PLEKHS1: variants seen among roughly 807,000 people sequenced by gnomAD.
PLEKHS1 encodes pleckstrin homology domain-containing family S member 1.
Under a neutral mutation model 51.0 loss-of-function variants are expected in PLEKHS1, and 55 were observed. The ratio of observed to expected loss-of-function variants is 1.08; its 90% CI spans 0.87 to 1.35. PLEKHS1 has a LOEUF of 1.35. PLEKHS1 is among the 40% of genes most tolerant of loss of function. PLEKHS1 has a pLI of 0.00. For missense variants in PLEKHS1, 398 were observed against 423.0 expected, an observed-to-expected ratio of 0.94 and a Z score of 0.52; for synonymous variants, 153 against 144.8, an observed-to-expected ratio of 1.06 and a Z score of -0.41.
At chr10:113,770,978 A>G (rs960490980) in intron 7 of PLEKHS1, among the ~76,000 whole-genome samples, 6 of 152,252 alleles carry the variant, frequency 3.9e-5, no homozygotes, top group Admixed American at 1.3e-4. Flanking sequence ...AAACATGGAC[A>G]GAACTTAAAC....
At chr10:113,781,666 C>A (rs1295049914) in exon 12 of PLEKHS1, 1 of 118,270 alleles carries the variant, frequency 8.5e-6, no homozygotes, top group Admixed American at 8.1e-5. Flanking sequence ...TTCCCAGACA[C>A]CTCCTTCCCA....
At chr10:113,757,751 A>G (rs1417454922) in intron 2 of PLEKHS1, among the ~76,000 whole-genome samples, 1 of 152,256 alleles carries the variant, frequency 6.6e-6, no homozygotes, top group Non-Finnish European at 1.5e-5. Flanking sequence ...TTTTATCCAC[A>G]GTGGAACTTC....
At chr10:113,767,578 C>A in intron 5 of PLEKHS1, 99 bp downstream of exon 5, 1 of 1,130,624 alleles carries the variant, frequency 8.8e-7, no homozygotes, top group Non-Finnish European at 1.2e-6. Context: ...TCTGAACCCA[C>A]GCTACAAACC....
rs187301715 is a variant in PLEKHS1 at position 113,765,163 on chromosome 10, T to C, written c.29-1248T>C. The C allele has an allele frequency of 5.6e-4, 245 of 439,792 alleles. 3 individuals carry two copies. The highest frequency in any genetic ancestry group is 4.4e-3 in the African/African-American group (222 of 50,406). The allele number at this position is 439,792 out of a possible 1,614,324, so 27.2% of individuals were successfully genotyped here. The stretch of plus-strand genomic sequence containing the variant: ...AAATTTTACCTTGTTGTTTCCTGAA[T>C]ATCTTTGTATTCCTATGAATCTTGA... On this transcript the variant is annotated intron_variant, in intron 2 of 11. Transcript: ENST00000361048.
intron 2 of PLEKHS1, among the ~76,000 whole-genome samples, chr10:113,762,394 G>A (rs1161883006): frequency 6.9e-5 from 3 of 43,690 alleles, no homozygotes; most frequent in Non-Finnish European, 1.3e-4. Context: ...TTTCAGTTTA[G>A]TTTCCTGAAA....
At chr10:113,765,263 T>C in intron 2 of PLEKHS1, 1 of 633,554 alleles carries the variant, frequency 1.6e-6, no homozygotes, top group Non-Finnish European at 2.9e-6. Flanking sequence ...TTAGGTGGGT[T>C]TGGAGCAGTG....
chr10:113,775,476 T>C (rs914311371), intron 10 of PLEKHS1, among the ~76,000 whole-genome samples: 3 of 152,224 alleles, frequency 2.0e-5, no homozygotes, highest in African/African-American at 7.2e-5. Flanking sequence ...TTCCATGCCT[T>C]CTTCTATGGA....
intron 11 of PLEKHS1, 61 bp downstream of exon 11, chr10:113,775,927 A>C: frequency 1.6e-6 from 2 of 1,276,962 alleles, no homozygotes; most frequent in Non-Finnish European, 2.2e-6. Flanking sequence ...GAAGAGAACA[A>C]TTACATCTTG....
At chr10:113,753,578 C>G (rs547313981) in intron 1 of PLEKHS1, among the ~76,000 whole-genome samples, 7 of 151,966 alleles carry the variant, frequency 4.6e-5, no homozygotes, top group Non-Finnish European at 8.8e-5. Flanking sequence ...TTCAGATGCC[C>G]GAGAAAAGTT....
chr10:113,767,807 C>T (rs1050544329), intron 5 of PLEKHS1, among the ~76,000 whole-genome samples: 6 of 152,120 alleles, frequency 3.9e-5, no homozygotes, highest in African/African-American at 1.4e-4. Context: ...GTTCCAGGGG[C>T]CTCTCCTAAC....
chr10:113,774,511 A>G (rs765683526), intron 9 of PLEKHS1, among the ~76,000 whole-genome samples, 178 bp downstream of exon 9: 19 of 152,230 alleles, frequency 1.2e-4, no homozygotes, highest in Non-Finnish European at 2.1e-4. Flanking sequence ...CTCTTCCCAC[A>G]GAAAACCACC....
At chr10:113,766,367 A>C (rs1844160282) in intron 2 of PLEKHS1, 44 bp from the exon 3 acceptor site, 5 of 1,251,216 alleles carry the variant, frequency 4.0e-6, no homozygotes, top group Non-Finnish European at 5.7e-6. Flanking sequence ...AGTTCTTTTC[A>C]GAAATTTATG....
At chr10:113,779,485 G>A (rs1410954096) in intron 11 of PLEKHS1, among the ~76,000 whole-genome samples, 6 of 151,474 alleles carry the variant, frequency 4.0e-5, no homozygotes, top group Admixed American at 6.6e-5. Context: ...CAGGAGAATA[G>A]CTTGAACCCA....
At chr10:113,767,583 C>T in intron 5 of PLEKHS1, 104 bp downstream of exon 5, 2 of 1,109,904 alleles carry the variant, frequency 1.8e-6, no homozygotes, top group South Asian at 2.6e-5. Flanking sequence ...ACCCACGCTA[C>T]AAACCTCAAA....
chr10:113,756,951 C>T (rs1593005973), intron 2 of PLEKHS1, among the ~76,000 whole-genome samples: 1 of 130,314 alleles, frequency 7.7e-6, no homozygotes, highest in East Asian at 2.3e-4. Context: ...GAGTCTCACT[C>T]TGTCGCTCAG....
At chr10:113,775,478 T>C (rs1844608065) in intron 10 of PLEKHS1, among the ~76,000 whole-genome samples, 1 of 152,210 alleles carries the variant, frequency 6.6e-6, no homozygotes, top group Non-Finnish European at 1.5e-5. Context: ...CCATGCCTTC[T>C]TCTATGGAAT....
rs1844143373 is a variant in PLEKHS1 at position 113,765,989 on chromosome 10, C to T, written c.29-422C>T. ...ACCTTCACTCCTTTTCCAACTTCTG[C>T]AGCAACTCTACCTGTCCCCCTTCCC... On this transcript the variant is annotated intron_variant, in intron 2 of 11. Coordinates refer to ENST00000361048, the Ensembl canonical transcript of PLEKHS1. Among the ~76,000 whole-genome samples the T allele has an allele frequency of 2.0e-5, 3 of 152,328 alleles. 1 individual carries two copies. In the South Asian group the frequency reaches 6.2e-4, roughly 32 times the overall value.
chr10:113,771,400 A>G (rs1844397495), intron 7 of PLEKHS1: 3 of 152,418 alleles, frequency 2.0e-5, no homozygotes, highest in South Asian at 4.1e-4. Context: ...AGGGCTGGTC[A>G]TGGTGGCTCA....
chr10:113,763,054 T>C (rs1051957290), intron 2 of PLEKHS1, among the ~76,000 whole-genome samples: 1 of 152,118 alleles, frequency 6.6e-6, no homozygotes, highest in Non-Finnish European at 1.5e-5. Flanking sequence ...TTGAAATCTC[T>C]ATAATTGCGG....
Sources: gnomAD v4.1 joint callset for allele counts (sites outside exome capture counted in the v4.1 genomes callset) on GRCh38, gnomAD v4.1.1 for gene constraint, MANE v1.5 for transcripts, NCBI Gene and HGNC (gene_info 2026-07-23, HGNC 2026-07-21) for gene names.